GIGYF2: variants seen among roughly 807,000 people sequenced by gnomAD.
The protein encoded by GIGYF2 is GRB10-interacting GYF protein 2.
A neutral mutation model predicts 208.1 loss-of-function variants in GIGYF2; 25 were observed. That is an observed-to-expected ratio of 0.12 (90% CI 0.09 to 0.17). GIGYF2 has a LOEUF of 0.17. Among genes scored for constraint, GIGYF2 ranks in the 10% least tolerant of loss-of-function variants. GIGYF2 has a pLI of 1.00. For missense variants in GIGYF2, 1,302 were observed against 1,579.4 expected, an observed-to-expected ratio of 0.82 and a Z score of 2.98; for synonymous variants, 534 against 543.8, an observed-to-expected ratio of 0.98 and a Z score of 0.25.
intron 8 of GIGYF2, among the ~76,000 whole-genome samples, chr2:232,770,326 T>C (rs1699182127): frequency 6.6e-6 from 1 of 152,190 alleles, no homozygotes; most frequent in African/African-American, 2.4e-5. Context: ...TGAGCAAAAT[T>C]TCATAATCTT....
intron 21 of GIGYF2, among the ~76,000 whole-genome samples, chr2:232,829,584 G>A (rs2106405761): frequency 6.6e-6 from 1 of 152,328 alleles, no homozygotes; most frequent in South Asian, 2.1e-4. Context: ...CCAGCTTCCA[G>A]CTGCACCTTT....
intron 23 of GIGYF2, among the ~76,000 whole-genome samples, chr2:232,840,609 C>CTTT (rs1701786762): frequency 6.6e-6 from 1 of 152,142 alleles, no homozygotes; most frequent in Non-Finnish European, 1.5e-5. Flanking sequence ...ATAGCTGAGT[C>CTTT]TAAAACAGGC....
chr2:232,720,277 T>A (rs961069542), intron 2 of GIGYF2, among the ~76,000 whole-genome samples: 1 of 152,206 alleles, frequency 6.6e-6, no homozygotes, highest in Non-Finnish European at 1.5e-5. Context: ...CATGAACTCA[T>A]CCTTTTTTAT....
chr2:232,813,760 G>A (rs763481294), intron 18 of GIGYF2, among the ~76,000 whole-genome samples: 13 of 151,894 alleles, frequency 8.6e-5, no homozygotes, highest in Non-Finnish European at 1.3e-4. Flanking sequence ...TTTCTTGATA[G>A]CCGTTTATAG....
In GIGYF2 at chr2:232,847,552, CACAGCAGCCACA is replaced by C. The variant is rs763368000; in HGVS notation, c.3673_3684del (p.Pro1225_Gln1228del). On this transcript the variant is annotated inframe_deletion, in exon 27 of 29. Coordinates refer to ENST00000373563, the MANE Select transcript of GIGYF2 (RefSeq NM_001103146.3). ...CAGCAGCAGCCGCCACAGCAGCCGC[CACAGCAGCCACA>C]ACAGCAGGTATAAAGTAGTGTGGTG... is the stretch of plus-strand genomic sequence containing the variant. 13,710 of 1,606,296 alleles carry C rather than the reference CACAGCAGCCACA, an allele frequency of 8.5e-3. 98 individuals are homozygous for C. Among genetic ancestry groups the C allele is most frequent in the Non-Finnish European group, 9.8e-3 (11,561 of 1,174,622 alleles).
chr2:232,816,815 C>A, intron 19 of GIGYF2, 56 bp from the exon 20 acceptor site: 1 of 1,329,994 alleles, frequency 7.5e-7, no homozygotes, highest in Admixed American at 1.7e-5. Context: ...TCAGTGCTTT[C>A]GGAGTGTTCC....
chr2:232,804,837 G>C (rs1045927560), intron 14 of GIGYF2, among the ~76,000 whole-genome samples: 1 of 151,702 alleles, frequency 6.6e-6, no homozygotes, highest in African/African-American at 2.4e-5. Context: ...AATTTCCCTT[G>C]AGACTCCCTC....
At chr2:232,757,580 T>G (rs113542866) in intron 6 of GIGYF2, among the ~76,000 whole-genome samples, 95 of 152,278 alleles carry the variant, frequency 6.2e-4, no homozygotes, top group Non-Finnish European at 1.1e-3. Flanking sequence ...TGACCACTTA[T>G]GGCTCTGGCC....
At chr2:232,709,121 CAA>C (rs1234912702) in intron 2 of GIGYF2, among the ~76,000 whole-genome samples, 1 of 151,052 alleles carries the variant, frequency 6.6e-6, no homozygotes, top group African/African-American at 2.4e-5. Flanking sequence ...GACTCCATTC[CAA>C]AAAAAGAAAA....
intron 8 of GIGYF2, among the ~76,000 whole-genome samples, chr2:232,784,355 T>C (rs1239593656): frequency 6.6e-6 from 1 of 151,058 alleles, no homozygotes; most frequent in Non-Finnish European, 1.5e-5. Flanking sequence ...GGCATGTGCC[T>C]GAGGTTCTAG....
chr2:232,735,836 C>T (rs538060154), intron 3 of GIGYF2: 48 of 985,356 alleles, frequency 4.9e-5, no homozygotes, highest in African/African-American at 2.3e-4. Context: ...GCTTCCCCCC[C>T]TCCCCTCCTT....
intron 21 of GIGYF2, among the ~76,000 whole-genome samples, chr2:232,822,073 C>G (rs1701101246): frequency 6.6e-6 from 1 of 151,760 alleles, no homozygotes; most frequent in Non-Finnish European, 1.5e-5. Flanking sequence ...TGTCTTCCAG[C>G]TTTGCCTTTT....
intron 8 of GIGYF2, among the ~76,000 whole-genome samples, chr2:232,761,798 A>G (rs146997553): frequency 1.0e-3 from 153 of 151,208 alleles, no homozygotes; most frequent in African/African-American, 3.6e-3. Context: ...AAAACTATGA[A>G]TGTTCTTAAT....
chr2:232,735,172 A>G lies in GIGYF2; in HGVS notation c.-26A>G, dbSNP rs1209647875. 6.5e-7 allele frequency: 1 copy of G among 1,547,854 alleles called. No homozygotes were observed. Among genetic ancestry groups the G allele is most frequent in the Non-Finnish European group, 8.9e-7 (1 of 1,120,040 alleles). On this transcript the variant is annotated 5_prime_UTR_variant, in exon 3 of 29. Transcript: ENST00000373563. The stretch of plus-strand genomic sequence containing the variant: ...GTTAACAGGTTTCTTCACATATAAA[A>G]ATCTATTGTAAAAATACGGAAAAGA...
intron 8 of GIGYF2, among the ~76,000 whole-genome samples, chr2:232,762,885 T>TA (rs1641739886): frequency 6.6e-6 from 1 of 151,878 alleles, no homozygotes; most frequent in Non-Finnish European, 1.5e-5. Context: ...TGCATGATGG[T>TA]ATGTGCCTGT....
chr2:232,794,044 G>A (rs1042357477), intron 12 of GIGYF2, among the ~76,000 whole-genome samples: 4 of 152,180 alleles, frequency 2.6e-5, no homozygotes, highest in African/African-American at 9.7e-5. Context: ...CAAAGAATGA[G>A]TCAGTGAGAG....
chr2:232,792,930 A>C (rs1559436308), intron 12 of GIGYF2, among the ~76,000 whole-genome samples: 1 of 152,152 alleles, frequency 6.6e-6, no homozygotes, highest in Non-Finnish European at 1.5e-5. Context: ...AGAGGAGATA[A>C]AGTGTGCATA....
At chr2:232,750,777 G>GTT (rs1559402954) in intron 5 of GIGYF2, among the ~76,000 whole-genome samples, 2 of 151,516 alleles carry the variant, frequency 1.3e-5, no homozygotes, top group Non-Finnish European at 2.9e-5. Flanking sequence ...GTGTGTGTGT[G>GTT]TATTTTTTGT....
Position 232,836,181 on chromosome 2 carries a change from C to T in GIGYF2, c.2766+3088C>T, listed in dbSNP as rs541670419. Among the ~76,000 whole-genome samples the T allele has an allele frequency of 2.7e-3, 398 of 146,702 alleles. 1 individual carries two copies. The highest frequency in any genetic ancestry group is 4.0e-3 in the Non-Finnish European group (270 of 67,030). On this transcript the variant is annotated intron_variant, in intron 22 of 28. Coordinates refer to ENST00000373563, the MANE Select transcript of GIGYF2 (RefSeq NM_001103146.3). Reference sequence around the variant, plus strand: ...GTGGCTCACGCCTATAATCCCAGCACTTTGGGAGGCCGAGGCTGGTGGTTC... The same window carrying T: ...GTGGCTCACGCCTATAATCCCAGCATTTTGGGAGGCCGAGGCTGGTGGTTC...
Sources: gnomAD v4.1 joint callset for allele counts (sites outside exome capture counted in the v4.1 genomes callset) on GRCh38, gnomAD v4.1.1 for gene constraint, MANE v1.5 for transcripts, NCBI Gene and HGNC (gene_info 2026-07-23, HGNC 2026-07-21) for gene names.